CHST11: variants seen among roughly 807,000 people sequenced by gnomAD.
The protein encoded by CHST11 is C4S-1.
A neutral mutation model predicts 30.4 loss-of-function variants in CHST11; 9 were observed. That is an observed-to-expected ratio of 0.30 (90% CI 0.18 to 0.52). CHST11 has a LOEUF of 0.52. Ranked by LOEUF, CHST11 falls within the 20% of genes least tolerant of loss-of-function variation. The probability of loss-of-function intolerance (pLI) is 0.97; values close to 1 mark genes in which losing one functional copy is unlikely to be tolerated. For missense variants in CHST11, 348 were observed against 460.6 expected, an observed-to-expected ratio of 0.76 and a Z score of 2.24; for synonymous variants, 152 against 187.8, an observed-to-expected ratio of 0.81 and a Z score of 1.56.
intron 2 of CHST11, among the ~76,000 whole-genome samples, chr12:104,681,493 G>A (rs1393487375): frequency 6.6e-6 from 1 of 152,150 alleles, no homozygotes; most frequent in Non-Finnish European, 1.5e-5. Context: ...AGGTTACAGC[G>A]ATGATTGCAC....
At chr12:104,549,867 A>G (rs1275693300) in intron 1 of CHST11, among the ~76,000 whole-genome samples, 1 of 152,162 alleles carries the variant, frequency 6.6e-6, no homozygotes, top group Non-Finnish European at 1.5e-5. Context: ...TGATCTCACT[A>G]TTGCATTCCA....
In CHST11 at chr12:104,484,101, A is replaced by G. The variant is rs56273842; in HGVS notation, c.118+26572A>G. 5.5e-3 allele frequency among the ~76,000 whole-genome samples: 843 copies of G among 152,360 alleles called. 3 individuals carry two copies. Among genetic ancestry groups the G allele is most frequent in the Non-Finnish European group, 9.8e-3 (664 of 68,028 alleles). On this transcript the variant is annotated intron_variant, in intron 1 of 2. Transcript: ENST00000303694. ...AATTGGCATAAGATGGAATGAGATT[A>G]GATGGCATCATGGTCAGAGTGACCC...
intron 2 of CHST11, among the ~76,000 whole-genome samples, chr12:104,647,359 T>TA (rs2039444027): frequency 6.6e-6 from 1 of 152,350 alleles, no homozygotes; most frequent in African/African-American, 2.4e-5. Context: ...AATTTTCATT[T>TA]AAAAAATGCC....
At chr12:104,513,687 A>T (rs1386955202) in intron 1 of CHST11, among the ~76,000 whole-genome samples, 1 of 152,124 alleles carries the variant, frequency 6.6e-6, no homozygotes, top group Non-Finnish European at 1.5e-5. Context: ...CCTCTTGTTG[A>T]TTTGGTATTT....
chr12:104,568,163 G>A (rs2038586371), intron 1 of CHST11, among the ~76,000 whole-genome samples: 1 of 152,184 alleles, frequency 6.6e-6, no homozygotes, highest in African/African-American at 2.4e-5. Flanking sequence ...GATCAGGGCT[G>A]CTGTTTAGGG....
intron 2 of CHST11, among the ~76,000 whole-genome samples, chr12:104,749,846 G>A (rs1355297341): frequency 3.3e-5 from 5 of 152,220 alleles, no homozygotes; most frequent in Non-Finnish European, 7.3e-5. Context: ...CTTCCGTCTG[G>A]CCTGTCCAGG....
intron 2 of CHST11, among the ~76,000 whole-genome samples, chr12:104,668,229 C>T (rs556071871): frequency 6.6e-5 from 10 of 152,240 alleles, no homozygotes; most frequent in East Asian, 3.9e-4. Flanking sequence ...ATTATCCATG[C>T]CAAGTCTTAT....
Position 104,601,956 on chromosome 12 carries a change from C to T in CHST11, c.169C>T (p.Arg57Ter). 1.2e-6 allele frequency: 2 copies of T among 1,613,982 alleles called. No individual in the cohort carries two copies. The highest frequency in any genetic ancestry group is 8.5e-7 in the Non-Finnish European group (1 of 1,179,982). Residue 57 changes from arginine to a stop codon, truncating the protein, a stop_gained, in exon 2 of 3, where the codon CGA (arginine) becomes TGA (stop). Coordinates refer to ENST00000303694, the MANE Select transcript of CHST11 (RefSeq NM_018413.6). LOFTEE classifies it high-confidence loss of function. ...GGACATCTGCTGCCGGAAGGGGTCC[C>T]GAAGCCCCCTGCAGGAACTCTACAA... Reference protein sequence around the residue: ...GVDICCRKGSRSPLQELYNPI... With the variant: ...GVDICCRKGS
At chr12:104,699,188 A>G (rs2039971734) in intron 2 of CHST11, among the ~76,000 whole-genome samples, 1 of 152,194 alleles carries the variant, frequency 6.6e-6, no homozygotes, top group South Asian at 2.1e-4. Flanking sequence ...GATGTTCCCC[A>G]CATGATTCTA....
chr12:104,673,691 T>C (rs531602098), intron 2 of CHST11, among the ~76,000 whole-genome samples: 65 of 152,356 alleles, frequency 4.3e-4, no homozygotes, highest in African/African-American at 1.4e-3. Flanking sequence ...TCATTTAACA[T>C]GTAGCACAGC....
intron 2 of CHST11, among the ~76,000 whole-genome samples, chr12:104,612,867 A>G (rs1283279863): frequency 6.6e-6 from 1 of 152,230 alleles, no homozygotes; most frequent in African/African-American, 2.4e-5. Flanking sequence ...TGCAAGCAGC[A>G]TCTGAAACAG....
At chr12:104,567,318 T>C (rs570152005) in intron 1 of CHST11, among the ~76,000 whole-genome samples, 13 of 152,332 alleles carry the variant, frequency 8.5e-5, no homozygotes, top group African/African-American at 3.1e-4. Context: ...ACAAAATATC[T>C]GCCTGCTTCA....
intron 1 of CHST11, among the ~76,000 whole-genome samples, chr12:104,465,183 A>T (rs1010183513): frequency 3.3e-5 from 5 of 152,184 alleles, no homozygotes; most frequent in Non-Finnish European, 7.3e-5. Context: ...TTCCTCCAAG[A>T]TGCAGAGTCT....
chr12:104,678,980 C>A (rs1285859555), intron 2 of CHST11, among the ~76,000 whole-genome samples: 1 of 152,126 alleles, frequency 6.6e-6, no homozygotes, highest in Non-Finnish European at 1.5e-5. Flanking sequence ...AGTCTCGCCG[C>A]TATTTTTATC....
intron 2 of CHST11, among the ~76,000 whole-genome samples, chr12:104,687,252 G>A (rs917503725): frequency 1.3e-5 from 2 of 152,236 alleles, no homozygotes; most frequent in Non-Finnish European, 1.5e-5. Flanking sequence ...TTTACACCTT[G>A]TTCTCATTTG....
intron 1 of CHST11, among the ~76,000 whole-genome samples, chr12:104,473,660 T>C (rs984487001): frequency 3.9e-5 from 6 of 152,020 alleles, no homozygotes; most frequent in Non-Finnish European, 8.8e-5. Flanking sequence ...TTTTTTAGGC[T>C]CCCCTTCCTG....
At chr12:104,695,055 G>T (rs113451342) in intron 2 of CHST11, among the ~76,000 whole-genome samples, 1,670 of 152,188 alleles carry the variant, frequency 0.011, 44 homozygotes, top group African/African-American at 0.037. Context: ...GATGCTGGGG[G>T]GTTCTCCGAA....
At chr12:104,724,805 A>C (rs889396264) in intron 2 of CHST11, among the ~76,000 whole-genome samples, 14 of 152,178 alleles carry the variant, frequency 9.2e-5, no homozygotes, top group African/African-American at 3.4e-4. Context: ...TAAATACAAG[A>C]ACACCCAGTT....
At chr12:104,510,009 G>T (rs533320746) in intron 1 of CHST11, among the ~76,000 whole-genome samples, 1 of 152,276 alleles carries the variant, frequency 6.6e-6, no homozygotes, top group East Asian at 1.9e-4. Context: ...TCAAGGCCAC[G>T]GTGAAGGTCA....
Sources: gnomAD v4.1 joint callset for allele counts (sites outside exome capture counted in the v4.1 genomes callset) on GRCh38, gnomAD v4.1.1 for gene constraint, MANE v1.5 for transcripts, NCBI Gene and HGNC (gene_info 2026-07-23, HGNC 2026-07-21) for gene names.